COL5A2: variants seen among roughly 807,000 people sequenced by gnomAD.
COL5A2 encodes collagen type V alpha 2 chain.
A neutral mutation model predicts 208.2 loss-of-function variants in COL5A2; 23 were observed. The observed-to-expected ratio is 0.11, with a 90% CI of 0.08 to 0.16. The LOEUF is 0.16. COL5A2 is among the 10% of genes least tolerant of loss of function. The pLI is 1.00. For synonymous variants in COL5A2, 625 were observed against 628.5 expected, an observed-to-expected ratio of 0.99 and a Z score of 0.08; for missense variants, 1,590 against 1,956.4, an observed-to-expected ratio of 0.81 and a Z score of 3.53.
intron 49 of COL5A2, 80 bp from the exon 50 acceptor site, chr2:189,041,773 T>C: frequency 3.5e-6 from 3 of 861,920 alleles, no homozygotes; most frequent in Non-Finnish European, 2.0e-6. Flanking sequence ...AGAACTATTT[T>C]ACATATGGAG....
intron 24 of COL5A2, 73 bp from the exon 25 acceptor site, chr2:189,064,728 C>T (rs1261069927): frequency 5.6e-5 from 63 of 1,120,378 alleles, no homozygotes; most frequent in Non-Finnish European, 8.0e-5. Flanking sequence ...GTAAAATTAT[C>T]GTTTTACAAA....
chr2:189,237,693 T>C, the COL5A2 span, among the ~76,000 whole-genome samples: 9 of 151,842 alleles, frequency 5.9e-5, no homozygotes, highest in African/African-American at 2.2e-4. Flanking sequence ...CCAAACAAAT[T>C]TGCAATGACA....
At chr2:189,259,535 G>A in the COL5A2 span, among the ~76,000 whole-genome samples, 1 of 152,132 alleles carries the variant, frequency 6.6e-6, no homozygotes, top group South Asian at 2.1e-4. Flanking sequence ...CCCTGTCAGT[G>A]TCTCTCTTTC....
the COL5A2 span, among the ~76,000 whole-genome samples, chr2:189,319,890 G>A: frequency 6.6e-6 from 1 of 152,204 alleles, no homozygotes; most frequent in African/African-American, 2.4e-5. Flanking sequence ...TGACCCCCAG[G>A]TAGCCTATCT....
At chr2:189,330,782 T>C in the COL5A2 span, among the ~76,000 whole-genome samples, 4 of 152,326 alleles carry the variant, frequency 2.6e-5, no homozygotes, top group South Asian at 2.1e-4. Context: ...ACAGACTACA[T>C]TGACATAGCC....
chr2:189,079,667 A>G (rs1309978228), intron 14 of COL5A2, among the ~76,000 whole-genome samples: 1 of 152,178 alleles, frequency 6.6e-6, no homozygotes. Context: ...AACCTTTCAG[A>G]TATTTTTTAA....
At chr2:189,298,738 C>T in the COL5A2 span, among the ~76,000 whole-genome samples, 1 of 152,132 alleles carries the variant, frequency 6.6e-6, no homozygotes, top group Non-Finnish European at 1.5e-5. Context: ...AGAGCCCCTC[C>T]TTCTCCCAGT....
At chr2:189,366,310 A>G in the COL5A2 span, among the ~76,000 whole-genome samples, 1 of 152,140 alleles carries the variant, frequency 6.6e-6, no homozygotes, top group Non-Finnish European at 1.5e-5. Flanking sequence ...TCCATGAACT[A>G]TTATTATCTG....
At chr2:189,177,611 T>G (rs1688700488) in intron 1 of COL5A2, among the ~76,000 whole-genome samples, 1 of 152,160 alleles carries the variant, frequency 6.6e-6, no homozygotes, top group Non-Finnish European at 1.5e-5. Context: ...CAATTACACA[T>G]TCTGTAAAAT....
At chr2:189,265,513 G>T in the COL5A2 span, among the ~76,000 whole-genome samples, 1 of 152,088 alleles carries the variant, frequency 6.6e-6, no homozygotes, top group Non-Finnish European at 1.5e-5. Flanking sequence ...CCAGTCAGTG[G>T]ATTAGGGCCC....
At chr2:189,368,960 C>T in the COL5A2 span, among the ~76,000 whole-genome samples, 2 of 152,166 alleles carry the variant, frequency 1.3e-5, no homozygotes, top group Non-Finnish European at 2.9e-5. Context: ...GAACAGAGGT[C>T]ACCTATCTAC....
chr2:189,213,897 T>C (rs1689246744), intron 1 of COL5A2, among the ~76,000 whole-genome samples: 1 of 152,212 alleles, frequency 6.6e-6, no homozygotes, highest in Admixed American at 6.5e-5. Context: ...GATGTGTACG[T>C]CTTGATCTGG....
chr2:189,350,926 G>A, the COL5A2 span, among the ~76,000 whole-genome samples: 2 of 152,008 alleles, frequency 1.3e-5, no homozygotes, highest in Admixed American at 1.3e-4. Flanking sequence ...TTCTGACTTT[G>A]AAATATTTTA....
intron 24 of COL5A2, 129 bp downstream of exon 24, chr2:189,064,875 C>T: frequency 1.1e-6 from 1 of 944,284 alleles, no homozygotes; most frequent in South Asian, 1.4e-5. Flanking sequence ...TGGGGTTAGG[C>T]CTGGTATTTG....
chr2:189,354,349 T>A, the COL5A2 span, among the ~76,000 whole-genome samples: 8 of 152,122 alleles, frequency 5.3e-5, no homozygotes, highest in Non-Finnish European at 1.0e-4. Flanking sequence ...AGTTTCTGAA[T>A]GAGTGGTACC....
intron 2 of COL5A2, 123 bp from the exon 3 acceptor site, chr2:189,104,400 T>A: frequency 1.4e-6 from 1 of 735,414 alleles, no homozygotes; most frequent in South Asian, 1.5e-5. Flanking sequence ...GTGATTACAC[T>A]ATCAGCAGTA....
chr2:189,110,120 C>T (rs1293246602), intron 2 of COL5A2, 105 bp downstream of exon 2: 1 of 889,564 alleles, frequency 1.1e-6, no homozygotes, highest in Non-Finnish European at 1.9e-6. Flanking sequence ...ACCAAAAAAG[C>T]TGCTTAATTA....
chr2:189,049,291 A>G, intron 44 of COL5A2, 56 bp downstream of exon 44: 1 of 1,229,924 alleles, frequency 8.1e-7, no homozygotes, highest in South Asian at 1.3e-5. Flanking sequence ...AATGAAAAAA[A>G]TTGTTTCCAT....
chr2:189,099,063 T>C (rs1258874886), intron 4 of COL5A2, among the ~76,000 whole-genome samples: 2 of 152,200 alleles, frequency 1.3e-5, no homozygotes, highest in Non-Finnish European at 1.5e-5. Context: ...TTATCCTCTC[T>C]GTTCTTAAGG....
Sources: gnomAD v4.1 joint callset for allele counts (sites outside exome capture counted in the v4.1 genomes callset) on GRCh38, gnomAD v4.1.1 for gene constraint, MANE v1.5 for transcripts, NCBI Gene and HGNC (gene_info 2026-07-23, HGNC 2026-07-21) for gene names.